Variants in INPP5D observed in about 807,000 individuals in gnomAD.
INPP5D encodes phosphatidylinositol 3,4,5-trisphosphate 5-phosphatase 1.
INPP5D carries 33 observed loss-of-function variants against 122.9 expected under a neutral mutation model. The ratio of observed to expected loss-of-function variants is 0.27; its 90% confidence interval spans 0.20 to 0.36. INPP5D has a LOEUF of 0.36. INPP5D is among the 10% of genes least tolerant of loss of function. The probability of loss-of-function intolerance (pLI) is 1.00; values close to 1 mark genes in which losing one functional copy is unlikely to be tolerated. For missense variants in INPP5D, 1,053 were observed against 1,412.7 expected, an observed-to-expected ratio of 0.75 and a Z score of 4.08; for synonymous variants, 584 against 576.2, an observed-to-expected ratio of 1.01 and a Z score of -0.19.
chr2:233,193,878 C>G lies in INPP5D; in HGVS notation c.2513C>G (p.Thr838Ser). 6.2e-7 allele frequency: 1 copy of G among 1,614,014 alleles called. No homozygotes were observed. The highest frequency in any genetic ancestry group is 8.5e-7 in the Non-Finnish European group (1 of 1,179,898). Residue 838 changes from threonine to serine, a missense_variant, in exon 23 of 27, where the codon ACC becomes AGC. Transcript: ENST00000445964. ...ETQLPIYTPLTHHGELTGHFQ... is the reference protein window; with the variant it reads ...ETQLPIYTPLSHHGELTGHFQ... Reference sequence around the variant, plus strand: ...CAGCTGCCCATCTACACGCCTCTCACCCACCATGGGGAGTTGACAGGCCAC... The same window carrying G: ...CAGCTGCCCATCTACACGCCTCTCAGCCACCATGGGGAGTTGACAGGCCAC...
rs910453269 is a variant in INPP5D, at chr2:233,067,690, A to G, written c.134+7078A>G. Among the ~76,000 whole-genome samples the G allele has an allele frequency of 5.9e-5, 9 of 152,302 alleles. No homozygotes were observed. The East Asian group carries it at 1.7e-3, about 29-fold the overall frequency. On this transcript the variant is annotated intron_variant, in intron 1 of 26. Transcript: ENST00000445964. ...GTTCCAATGTCTCCACTTCCCTACC[A>G]GCACTTGTTATTATCTTTTTTATTA...
At chr2:233,131,023 T>C (rs1693310627) in intron 5 of INPP5D, 2 of 239,114 alleles carry the variant, frequency 8.4e-6, no homozygotes, top group Non-Finnish European at 6.8e-6. Context: ...CAGAAAGGCA[T>C]CAAAAGGAAA....
At chr2:233,193,440 T>C (rs1363076149) in intron 22 of INPP5D, among the ~76,000 whole-genome samples, 2 of 152,146 alleles carry the variant, frequency 1.3e-5, no homozygotes, top group African/African-American at 4.8e-5. Context: ...CGTTTCCTTT[T>C]TATTTTAGGT....
At chr2:233,184,245 C>T (rs11685973) in intron 19 of INPP5D, among the ~76,000 whole-genome samples, 163 bp from the exon 20 acceptor site, 86 of 152,270 alleles carry the variant, frequency 5.6e-4, no homozygotes, top group Middle Eastern at 6.8e-3. Flanking sequence ...TGAGGATGCT[C>T]GGCTGGGTGC....
At chr2:233,109,614 T>C (rs768125396) in intron 2 of INPP5D, among the ~76,000 whole-genome samples, 6 of 152,218 alleles carry the variant, frequency 3.9e-5, no homozygotes, top group Non-Finnish European at 8.8e-5. Context: ...AATCTCGCCC[T>C]GTTACCCAGG....
intron 17 of INPP5D, among the ~76,000 whole-genome samples, chr2:233,171,455 A>T (rs1369737677): frequency 1.3e-5 from 2 of 152,184 alleles, no homozygotes; most frequent in Non-Finnish European, 1.5e-5. Flanking sequence ...AAGTCCCGTG[A>T]TCAAATATAT....
chr2:233,117,627 G>A (rs1222042638), intron 2 of INPP5D, among the ~76,000 whole-genome samples: 1 of 152,084 alleles, frequency 6.6e-6, no homozygotes, highest in Non-Finnish European at 1.5e-5. Context: ...GTTCGGGGGG[G>A]CTGTACTGCC....
At chr2:233,073,219 G>T (rs1424193484) in intron 1 of INPP5D, among the ~76,000 whole-genome samples, 2 of 152,172 alleles carry the variant, frequency 1.3e-5, no homozygotes, top group African/African-American at 4.8e-5. Context: ...AGGCTGTCCA[G>T]CTCACTCGCA....
intron 9 of INPP5D, among the ~76,000 whole-genome samples, chr2:233,153,711 A>T (rs1055117275): frequency 8.5e-5 from 13 of 152,194 alleles, no homozygotes; most frequent in Non-Finnish European, 1.5e-4. Context: ...CCATGTAGCC[A>T]GTGGCTCCTC....
intron 2 of INPP5D, among the ~76,000 whole-genome samples, chr2:233,111,371 C>T (rs1333706656): frequency 6.6e-6 from 1 of 152,216 alleles, no homozygotes; most frequent in African/African-American, 2.4e-5. Context: ...CACACGCACA[C>T]ACACACATAT....
chr2:233,142,628 A>T (rs1411164184), intron 6 of INPP5D, among the ~76,000 whole-genome samples: 1 of 152,046 alleles, frequency 6.6e-6, no homozygotes, highest in African/African-American at 2.4e-5. Context: ...GGCCTGGGGG[A>T]TGGGGGAGAC....
intron 2 of INPP5D, among the ~76,000 whole-genome samples, chr2:233,086,173 C>CTTTCTTTA (rs1277821594): frequency 6.9e-6 from 1 of 145,528 alleles, no homozygotes; most frequent in African/African-American, 2.6e-5. Flanking sequence ...TTCTTTCTTT[C>CTTTCTTTA]TTTCTTTCTT....
intron 2 of INPP5D, among the ~76,000 whole-genome samples, chr2:233,104,662 T>C (rs1015238718): frequency 6.6e-6 from 1 of 152,054 alleles, no homozygotes; most frequent in Non-Finnish European, 1.5e-5. Context: ...TTCTATAAAG[T>C]TGGGGGGTCC....
chr2:233,135,708 G>T (rs1330038845), intron 5 of INPP5D, among the ~76,000 whole-genome samples: 1 of 151,540 alleles, frequency 6.6e-6, no homozygotes, highest in African/African-American at 2.4e-5. Flanking sequence ...CCAAGAAAAA[G>T]GCTACTGACC....
At position 233,164,040 on chromosome 2, in the gene INPP5D, C is replaced by A. The variant is rs981720203; in HGVS notation, c.1437+137C>A. 7.0e-7 allele frequency: 1 copy of A among 1,421,624 alleles called. No homozygotes were observed. Among genetic ancestry groups the A allele is most frequent in the Non-Finnish European group, 9.3e-7 (1 of 1,078,832 alleles). The allele number at this position is 1,421,624 out of a possible 1,614,324, so 88.1% of individuals were successfully genotyped here. A position where few individuals can be genotyped will look rare whatever the true frequency, so the allele number is the denominator to read the frequency against. On this transcript the variant is annotated intron_variant, in intron 12 of 26. Coordinates refer to ENST00000445964, the MANE Select transcript of INPP5D (RefSeq NM_001017915.3). The surrounding 1 kb of genome is among the most constrained non-coding windows in gnomAD (Gnocchi z 4.3). ...GTCTGGAGGCCCCCACTGAGAGATG[C>A]GTCTGTATTCAGAAATAAATGGGAT...
intron 2 of INPP5D, among the ~76,000 whole-genome samples, chr2:233,093,956 T>C (rs1032698778): frequency 2.6e-5 from 4 of 152,040 alleles, no homozygotes; most frequent in African/African-American, 9.7e-5. Flanking sequence ...GTTTTCCCTG[T>C]GCTTCTCCCT....
intron 1 of INPP5D, among the ~76,000 whole-genome samples, chr2:233,069,639 A>T (rs1691323238): frequency 6.6e-6 from 1 of 152,192 alleles, no homozygotes; most frequent in Non-Finnish European, 1.5e-5. Context: ...TTCTAGCAGC[A>T]TTAGCATTTT....
At chr2:233,085,440 G>T (rs1691804972) in intron 2 of INPP5D, among the ~76,000 whole-genome samples, 1 of 151,654 alleles carries the variant, frequency 6.6e-6, no homozygotes, top group Non-Finnish European at 1.5e-5. Context: ...CAAAATCCAA[G>T]GCCAAACTTG....
At chr2:233,127,339 C>T (rs998684669) in intron 4 of INPP5D, among the ~76,000 whole-genome samples, 1 of 152,180 alleles carries the variant, frequency 6.6e-6, no homozygotes, top group East Asian at 1.9e-4. Context: ...AGGAAAGCGG[C>T]GACACAGAGC....
Sources: allele counts gnomAD v4.1 joint callset (sites outside exome capture counted in the v4.1 genomes callset), GRCh38; gene constraint gnomAD v4.1.1; non-coding constraint Gnocchi (gnomAD v3.1); transcripts MANE v1.5; gene names NCBI Gene and HGNC (gene_info 2026-07-23, HGNC 2026-07-21).